The following IMPG2 variants were observed in gnomAD, a reference collection of about 807,000 sequenced individuals.
IMPG2 encodes the protein interphotoreceptor matrix proteoglycan 2.
IMPG2 carries 91 observed loss-of-function variants against 129.2 expected under a neutral mutation model. The ratio of observed to expected loss-of-function variants is 0.70; its 90% CI spans 0.59 to 0.84. The LOEUF (loss-of-function observed/expected upper bound fraction) is 0.84, where lower values mean the gene tolerates loss of function less well. IMPG2 is among the 40% of genes least tolerant of loss of function. The pLI, the probability that IMPG2 is intolerant of heterozygous loss-of-function variation, is 0.00. For missense variants in IMPG2, 1,430 were observed against 1,461.7 expected, an observed-to-expected ratio of 0.98 and a Z score of 0.35; for synonymous variants, 510 against 517.7, an observed-to-expected ratio of 0.99 and a Z score of 0.20.
intron 12 of IMPG2, 116 bp downstream of exon 12, chr3:101,245,686 A>G (rs1706468071): frequency 4.2e-6 from 4 of 957,350 alleles, no homozygotes; most frequent in Non-Finnish European, 6.7e-6. Context: ...TTACCAAGAC[A>G]TTTTCCCCCT....
chr3:101,291,710 C>G (rs1478170381), intron 3 of IMPG2, among the ~76,000 whole-genome samples, 200 bp from the exon 4 acceptor site: 1 of 152,178 alleles, frequency 6.6e-6, no homozygotes, highest in Non-Finnish European at 1.5e-5. Context: ...GACATTCAGT[C>G]TCTGCTTATA....
intron 2 of IMPG2, among the ~76,000 whole-genome samples, chr3:101,305,435 C>T (rs913443490): frequency 2.0e-5 from 3 of 152,028 alleles, no homozygotes; most frequent in Non-Finnish European, 2.9e-5. Flanking sequence ...TGTCAAAACC[C>T]ATAGAATGTA....
At chr3:101,270,743 T>A (rs1428367006) in intron 7 of IMPG2, among the ~76,000 whole-genome samples, 1 of 151,934 alleles carries the variant, frequency 6.6e-6, no homozygotes, top group Non-Finnish European at 1.5e-5. Flanking sequence ...GAGCTTGCAG[T>A]GAGCCGAGAT....
intron 11 of IMPG2, among the ~76,000 whole-genome samples, chr3:101,250,795 C>T (rs1706535157): frequency 6.6e-6 from 1 of 152,158 alleles, no homozygotes; most frequent in Non-Finnish European, 1.5e-5. Flanking sequence ...GTGTGGGAGG[C>T]CATCTCCTAA....
In IMPG2 at chr3:101,242,614, G is replaced by A; in HGVS notation, c.3022+74C>T. 3.7e-6 allele frequency: 4 copies of A among 1,091,438 alleles called. No individual in the cohort carries two copies. The South Asian group carries it at 5.0e-5, about 14-fold the overall frequency. 67.6% of individuals were successfully genotyped at this position (1,091,438 alleles called of 1,614,324 possible). On this transcript the variant is annotated intron_variant, in intron 14 of 18. Coordinates refer to ENST00000193391, the MANE Select transcript of IMPG2 (RefSeq NM_016247.4). ...CTGCAAGTATTGGATTCACCTTAAT[G>A]CAATGAGGAAGAAAACACACAAGAA...
intron 1 of IMPG2, 69 bp downstream of exon 1, chr3:101,320,219 T>A: frequency 2.2e-6 from 2 of 905,070 alleles, no homozygotes; most frequent in South Asian, 1.4e-5. Flanking sequence ...TCACATCAAA[T>A]AATCCTATTT....
chr3:101,272,656 T>C (rs1009373964), intron 7 of IMPG2, among the ~76,000 whole-genome samples: 3 of 152,180 alleles, frequency 2.0e-5, no homozygotes, highest in African/African-American at 7.2e-5. Flanking sequence ...CCACATACCA[T>C]ATAGCCTTGC....
chr3:101,307,855 C>G (rs1168629094), intron 2 of IMPG2, among the ~76,000 whole-genome samples: 2 of 152,194 alleles, frequency 1.3e-5, no homozygotes, highest in African/African-American at 4.8e-5. Flanking sequence ...AAAGTCTCAT[C>G]TGAGACAAGG....
In IMPG2 at chr3:101,244,386, G is replaced by C. The variant is rs1706449415; in HGVS notation, c.1945C>G (p.Leu649Val). ...GAATCCATTTTGTCAACTAAAACTA[G>C]TTTCTTGTCTTCAATCTCAGCTGGC... ...LLPAEIEDKK[L>V]VLVDKMDSTD... Residue 649 changes from leucine (L) to valine (V), a missense_variant, in exon 13 of 19, where the codon CTA (leucine) becomes GTA (valine). Physicochemically the swap from Leu to Val is conservative, Grantham distance 32. Coordinates refer to ENST00000193391, the MANE Select transcript of IMPG2 (RefSeq NM_016247.4). 1 of 1,614,148 alleles carries C rather than the reference G, an allele frequency of 6.2e-7. No homozygotes were observed. The highest frequency in any genetic ancestry group is 1.7e-5 in the Admixed American group (1 of 60,004).
chr3:101,236,048 T>G (rs75745001), intron 14 of IMPG2, among the ~76,000 whole-genome samples: 1,565 of 152,290 alleles, frequency 0.01, 17 homozygotes, highest in Non-Finnish European at 0.019. Flanking sequence ...TTACCTTCAT[T>G]CCATTAGCAA....
In IMPG2 at chr3:101,232,998, C is replaced by T. The variant is rs779151755; in HGVS notation, c.3023-7G>A. 8.1e-6 allele frequency: 13 copies of T among 1,613,266 alleles called. No homozygotes were observed. The highest frequency in any genetic ancestry group is 4.0e-5 in the African/African-American group (3 of 74,878). On this transcript the variant is annotated splice_polypyrimidine_tract_variant and splice_region_variant and intron_variant, in intron 14 of 18. Transcript: ENST00000193391. The stretch of plus-strand genomic sequence containing the variant: ...CAAGGGTTGGCTTCATCACCTAAAA[C>T]ATTAAACAAAGAATAATGCAAGAAA...
In IMPG2 at chr3:101,235,155, T is replaced by C. The variant is rs960367589; in HGVS notation, c.3023-2164A>G. Reference sequence around the variant, plus strand: ...AAGAGGTCACTATTTCAGCCACCCATGTGGACAATCTGTGGTTGTTCGGCA... The same window carrying C: ...AAGAGGTCACTATTTCAGCCACCCACGTGGACAATCTGTGGTTGTTCGGCA... On this transcript the variant is annotated intron_variant, in intron 14 of 18. Coordinates refer to ENST00000193391, the MANE Select transcript of IMPG2 (RefSeq NM_016247.4). 2.8e-4 allele frequency among the ~76,000 whole-genome samples: 42 copies of C among 152,366 alleles called. 1 individual carries two copies. Among genetic ancestry groups the C allele is most frequent in the Admixed American group, 6.5e-4 (10 of 15,310 alleles).
At chr3:101,309,302 G>A (rs1707236758) in intron 2 of IMPG2, among the ~76,000 whole-genome samples, 1 of 152,034 alleles carries the variant, frequency 6.6e-6, no homozygotes, top group African/African-American at 2.4e-5. Flanking sequence ...TGCTGTATTA[G>A]TCCATTCTCA....
chr3:101,245,502 C>T (rs1003740186), intron 12 of IMPG2, among the ~76,000 whole-genome samples: 8 of 152,244 alleles, frequency 5.3e-5, no homozygotes, highest in African/African-American at 1.9e-4. Context: ...AGTAAAGTGG[C>T]TCTTTAATAG....
At chr3:101,297,460 C>T (rs751115526) in intron 3 of IMPG2, among the ~76,000 whole-genome samples, 10 of 152,034 alleles carry the variant, frequency 6.6e-5, no homozygotes, top group Non-Finnish European at 1.2e-4. Context: ...TTAGCTTCCA[C>T]TTGCCTCTCT....
intron 3 of IMPG2, among the ~76,000 whole-genome samples, chr3:101,297,822 C>A (rs1393826864): frequency 1.3e-5 from 2 of 152,262 alleles, no homozygotes; most frequent in South Asian, 4.1e-4. Context: ...CTTCCAGTTA[C>A]GTGATCAATT....
At chr3:101,238,085 T>C (rs1288409195) in intron 14 of IMPG2, among the ~76,000 whole-genome samples, 1 of 151,696 alleles carries the variant, frequency 6.6e-6, no homozygotes, top group Non-Finnish European at 1.5e-5. Context: ...TACACAAGTA[T>C]CAATAGCTGA....
intron 14 of IMPG2, among the ~76,000 whole-genome samples, chr3:101,237,921 C>T (rs1442398320): frequency 1.3e-5 from 2 of 151,964 alleles, no homozygotes; most frequent in Non-Finnish European, 2.9e-5. Context: ...TAACAAACTC[C>T]TGCGAGCTAA....
rs181664387 is a variant in IMPG2, at chr3:101,284,029, T to C, written c.534-7316A>G. On this transcript the variant is annotated intron_variant, in intron 4 of 18. Coordinates refer to ENST00000193391, the MANE Select transcript of IMPG2 (RefSeq NM_016247.4). ...TGGTGGCAGTGAAGATGGTGAAAAG[T>C]GATCAGATTCGAGATATATTTTGAA... Among the ~76,000 whole-genome samples the C allele has an allele frequency of 2.5e-3, 380 of 152,290 alleles. 2 individuals are homozygous for C. The highest frequency in any genetic ancestry group is 8.9e-3 in the African/African-American group (371 of 41,556).
Sources: gnomAD v4.1 joint callset for allele counts (sites outside exome capture counted in the v4.1 genomes callset) on GRCh38, gnomAD v4.1.1 for gene constraint, MANE v1.5 for transcripts, NCBI Gene and HGNC (gene_info 2026-07-23, HGNC 2026-07-21) for gene names.